CSMD3: variants seen among roughly 807,000 people sequenced by gnomAD.
The protein encoded by CSMD3 is CUB and Sushi multiple domains 3.
Under a neutral mutation model 435.2 loss-of-function variants are expected in CSMD3, and 177 were observed. The ratio of observed to expected loss-of-function variants is 0.41; its 90% CI spans 0.36 to 0.46. The LOEUF is 0.46. Among genes scored for constraint, CSMD3 ranks in the 20% least tolerant of loss-of-function variants. The pLI is 0.34. For synonymous variants in CSMD3, 1,656 were observed against 1,520.5 expected (o/e 1.09, Z -2.07); for missense variants, 4,265 against 4,504.6 (o/e 0.95, Z 1.52).
At chr8:112,967,951 C>T (rs2084486083) in intron 7 of CSMD3, among the ~76,000 whole-genome samples, 1 of 151,382 alleles carries the variant, frequency 6.6e-6, no homozygotes, top group African/African-American at 2.4e-5. Context: ...TGAATAAATA[C>T]ATAGTAGAAT....
At chr8:113,124,768 T>C (rs1349977664) in intron 4 of CSMD3, among the ~76,000 whole-genome samples, 2 of 152,008 alleles carry the variant, frequency 1.3e-5, no homozygotes, top group Admixed American at 6.6e-5. Flanking sequence ...GACTTTGTTG[T>C]GTAAAGAATC....
intron 31 of CSMD3, among the ~76,000 whole-genome samples, chr8:112,479,251 G>C (rs545921891): frequency 1.3e-5 from 2 of 152,286 alleles, no homozygotes; most frequent in South Asian, 4.1e-4. Context: ...AGCTACAGGA[G>C]CAAAGACATG....
chr8:113,137,076 A>C (rs2091435403), intron 4 of CSMD3, among the ~76,000 whole-genome samples: 1 of 151,638 alleles, frequency 6.6e-6, no homozygotes, highest in Admixed American at 6.6e-5. Context: ...CTGAGAGTAC[A>C]ATTCTGGAGG....
intron 14 of CSMD3, among the ~76,000 whole-genome samples, chr8:112,686,140 C>T (rs2076006031): frequency 6.6e-6 from 1 of 152,112 alleles, no homozygotes; most frequent in South Asian, 2.1e-4. Context: ...AATCCGGTAG[C>T]TCAGAAAACA....
chr8:113,238,532 T>C (rs7012235), intron 3 of CSMD3, among the ~76,000 whole-genome samples: 21,254 of 152,064 alleles, frequency 0.14, 2,708 homozygotes, highest in African/African-American at 0.34. Context: ...AAAGCCTCTG[T>C]GGATCAAGTC....
At chr8:112,698,143 A>G (rs2076300785) in intron 13 of CSMD3, among the ~76,000 whole-genome samples, 1 of 150,920 alleles carries the variant, frequency 6.6e-6, no homozygotes, top group African/African-American at 2.4e-5. Context: ...GAGGTTAAGT[A>G]TATGTGAAGA....
intron 13 of CSMD3, among the ~76,000 whole-genome samples, chr8:112,795,693 G>A (rs1040243503): frequency 1.3e-5 from 2 of 152,086 alleles, no homozygotes; most frequent in African/African-American, 4.8e-5. Flanking sequence ...TAACATTGGT[G>A]TATACCCTCT....
At chr8:113,249,765 C>T (rs1218552048) in intron 3 of CSMD3, among the ~76,000 whole-genome samples, 1 of 151,586 alleles carries the variant, frequency 6.6e-6, no homozygotes, top group Non-Finnish European at 1.5e-5. Flanking sequence ...TTTAATGTGG[C>T]TACTCTTGCC....
chr8:112,699,467 G>GA (rs2076337801), intron 13 of CSMD3, among the ~76,000 whole-genome samples: 1 of 152,042 alleles, frequency 6.6e-6, no homozygotes, highest in African/African-American at 2.4e-5. Flanking sequence ...AATAAGTGGG[G>GA]AAAAAAAGAG....
intron 3 of CSMD3, among the ~76,000 whole-genome samples, chr8:113,239,798 C>T (rs1003808794): frequency 6.6e-6 from 1 of 151,990 alleles, no homozygotes; most frequent in Non-Finnish European, 1.5e-5. Flanking sequence ...GGAGAGAAAG[C>T]CTCTATTTTC....
At chr8:112,446,927 G>T (rs917625772) in intron 32 of CSMD3, among the ~76,000 whole-genome samples, 3 of 152,038 alleles carry the variant, frequency 2.0e-5, no homozygotes, top group African/African-American at 7.2e-5. Context: ...CATAATGTAA[G>T]TATTTATTGG....
rs117212277 is a variant in CSMD3, at chr8:112,533,035, A to T, written c.4565-15810T>A. Among the ~76,000 whole-genome samples, 1,118 of 152,204 alleles carry T rather than the reference A, an allele frequency of 7.3e-3. 9 individuals are homozygous for T. The highest frequency in any genetic ancestry group is 0.011 in the Non-Finnish European group (725 of 67,948). ...CTTTTCTCTGCCACTAACCTTAAGT[A>T]GCCATTAGTTTAAAATAACTTGTAC... On this transcript the variant is annotated intron_variant, in intron 27 of 70. Transcript: ENST00000297405.
chr8:112,302,554 C>A (rs1821030151), intron 52 of CSMD3, among the ~76,000 whole-genome samples: 1 of 151,994 alleles, frequency 6.6e-6, no homozygotes. Flanking sequence ...GGTCATATAG[C>A]ATCTCTTATG....
intron 7 of CSMD3, among the ~76,000 whole-genome samples, chr8:112,961,664 T>C (rs1275101685): frequency 3.9e-5 from 6 of 151,958 alleles, no homozygotes; most frequent in Non-Finnish European, 7.4e-5. Flanking sequence ...TTAATTTTCA[T>C]AGGCATTAAG....
At chr8:113,126,239 C>T (rs1490434782) in intron 4 of CSMD3, among the ~76,000 whole-genome samples, 1 of 151,738 alleles carries the variant, frequency 6.6e-6, no homozygotes, top group African/African-American at 2.4e-5. Context: ...CCCAGGCAGT[C>T]CAGCTCTATA....
At chr8:112,290,739 T>C (rs1428982871) in intron 56 of CSMD3, among the ~76,000 whole-genome samples, 1 of 152,050 alleles carries the variant, frequency 6.6e-6, no homozygotes, top group Non-Finnish European at 1.5e-5. Context: ...CTTCACACGC[T>C]ATTCATTCAG....
At position 112,279,010 on chromosome 8, in the gene CSMD3, AAAAAACAAC is replaced by A. The variant is rs1340192722; in HGVS notation, c.9508+2155_9508+2163del. On this transcript the variant is annotated intron_variant, in intron 59 of 70. Transcript: ENST00000297405. ...AAGCGTATCCTGTAACTCCACCCCCAAAAAACAACAACAACAACAACAACAACAACAACA... is the reference window on the plus strand; with the variant it reads ...AAGCGTATCCTGTAACTCCACCCCCAAACAACAACAACAACAACAACAACA... 9.0e-3 allele frequency among the ~76,000 whole-genome samples: 1,197 copies of A among 133,050 alleles called. 13 individuals carry two copies. The highest frequency in any genetic ancestry group is 0.024 in the Middle Eastern group (6 of 254). 87.3% of individuals were successfully genotyped at this position (133,050 alleles called of 152,430 possible). A position where few individuals can be genotyped will look rare whatever the true frequency, so the allele number is the denominator to read the frequency against.
intron 3 of CSMD3, among the ~76,000 whole-genome samples, chr8:113,174,211 G>A (rs2092314159): frequency 6.6e-6 from 1 of 152,074 alleles, no homozygotes; most frequent in Non-Finnish European, 1.5e-5. Context: ...TAAAACTGAG[G>A]ATAATATCAT....
chr8:112,794,089 C>G (rs2078761361), intron 13 of CSMD3, among the ~76,000 whole-genome samples: 1 of 151,850 alleles, frequency 6.6e-6, no homozygotes, highest in African/African-American at 2.4e-5. Context: ...TTTAGGAGTT[C>G]CAATTATGTC....
Sources: gnomAD v4.1 joint callset for allele counts (sites outside exome capture counted in the v4.1 genomes callset) on GRCh38, gnomAD v4.1.1 for gene constraint, MANE v1.5 for transcripts, NCBI Gene and HGNC (gene_info 2026-07-23, HGNC 2026-07-21) for gene names.